Variants in MMD2 observed in about 807,000 individuals in gnomAD.
The protein encoded by MMD2 is monocyte to macrophage differentiation factor 2.
MMD2 carries 30 observed loss-of-function variants against 33.5 expected under a neutral mutation model. The ratio of observed to expected loss-of-function variants is 0.90; its 90% CI spans 0.67 to 1.22. The LOEUF (loss-of-function observed/expected upper bound fraction) is 1.22, where lower values mean the gene tolerates loss of function less well. MMD2 is among the 50% of genes most tolerant of loss of function. The probability of loss-of-function intolerance (pLI) is 0.00; values close to 1 mark genes in which losing one functional copy is unlikely to be tolerated. For missense variants in MMD2, 364 were observed against 325.4 expected (o/e 1.12, Z -0.91); for synonymous variants, 129 against 123.0 (o/e 1.05, Z -0.32).
chr7:4,928,152 G>T (rs761953946), intron 1 of MMD2, among the ~76,000 whole-genome samples: 7 of 152,146 alleles, frequency 4.6e-5, no homozygotes, highest in Non-Finnish European at 7.3e-5. Flanking sequence ...CACCCAATGG[G>T]GTTAAACTCC....
chr7:4,920,761 A>G (rs1049543429), intron 2 of MMD2, among the ~76,000 whole-genome samples: 2 of 111,844 alleles, frequency 1.8e-5, no homozygotes, highest in African/African-American at 7.0e-5. Context: ...CTTGTCCCCC[A>G]TGCTGGAGTG....
intron 1 of MMD2, among the ~76,000 whole-genome samples, chr7:4,953,421 A>G (rs1294214311): frequency 6.7e-6 from 1 of 149,140 alleles, no homozygotes. Context: ...ACTGGCAACT[A>G]GATGGATGTT....
At chr7:4,933,349 A>C (rs1318039220) in intron 1 of MMD2, among the ~76,000 whole-genome samples, 1 of 152,174 alleles carries the variant, frequency 6.6e-6, no homozygotes, top group African/African-American at 2.4e-5. Flanking sequence ...ATGGGAGAGC[A>C]TGATTGTCTC....
intron 1 of MMD2, among the ~76,000 whole-genome samples, chr7:4,953,730 CA>C (rs1786313365): frequency 1.3e-5 from 2 of 152,144 alleles, no homozygotes; most frequent in Non-Finnish European, 2.9e-5. Flanking sequence ...CTTGGCTTCC[CA>C]AAGTGCTGGA....
intron 4 of MMD2, among the ~76,000 whole-genome samples, chr7:4,913,507 C>T (rs974013402): frequency 6.6e-6 from 1 of 151,944 alleles, no homozygotes; most frequent in African/African-American, 2.4e-5. Flanking sequence ...CACCTGTGGT[C>T]AGGAGTTCAA....
chr7:4,941,196 C>G (rs1162057722), intron 1 of MMD2, among the ~76,000 whole-genome samples: 1 of 152,198 alleles, frequency 6.6e-6, no homozygotes, highest in Non-Finnish European at 1.5e-5. Context: ...CTCCTTCCAC[C>G]TGACCTAGGG....
In MMD2 at chr7:4,946,490, A is replaced by G. The variant is rs1282045663; in HGVS notation, c.47+12481T>C. 6.6e-6 allele frequency among the ~76,000 whole-genome samples: 1 copy of G among 152,174 alleles called. No homozygotes were observed. Among genetic ancestry groups the G allele is most frequent in the Non-Finnish European group, 1.5e-5 (1 of 68,038 alleles). Reference sequence around the variant, plus strand: ...AGTCTTCACTAAGGGAGGATCTTGAAAAAGCATAAAATTGCAACCGCGAGT... The same window carrying G: ...AGTCTTCACTAAGGGAGGATCTTGAGAAAGCATAAAATTGCAACCGCGAGT... On this transcript the variant is annotated intron_variant, in intron 1 of 6. Coordinates refer to ENST00000401401, the MANE Select transcript of MMD2 (RefSeq NM_198403.4). The surrounding 1 kb of genome is among the most constrained non-coding windows in gnomAD (Gnocchi z 5.0).
At chr7:4,895,811 G>A in the MMD2 span, among the ~76,000 whole-genome samples, 1 of 152,016 alleles carries the variant, frequency 6.6e-6, no homozygotes, top group East Asian at 1.9e-4. Flanking sequence ...TGGGATTACA[G>A]GCGTGAACCA....
chr7:4,909,895 C>T lies in MMD2; in HGVS notation c.523G>A (p.Val175Ile). ...GCAGCACTTACCATGGAGAGGATGA[C>T]CAGGGCGGGGAAGAAGCCCATTACG... ...YVVMGFFPAL[V>I]ILSMPNTEGI... is the part of the protein sequence containing the mutation. The change falls in exon 6 of 7, where the codon GTC becomes ATC. Residue 175 changes from valine to isoleucine, a missense_variant. By Grantham distance (29) the Val-to-Ile change is conservative. Transcript: ENST00000401401. The T allele has an allele frequency of 6.2e-7, 1 of 1,613,368 alleles. No individual in the cohort carries two copies. The highest frequency in any genetic ancestry group is 8.5e-7 in the Non-Finnish European group (1 of 1,179,596).
chr7:4,922,479 T>A (rs898978828), intron 2 of MMD2, among the ~76,000 whole-genome samples: 17 of 151,942 alleles, frequency 1.1e-4, no homozygotes, highest in African/African-American at 3.6e-4. Context: ...TAAAAAAAAA[T>A]AAATAAACAG....
At chr7:4,949,343 C>A (rs1191909216) in intron 1 of MMD2, among the ~76,000 whole-genome samples, 1 of 152,054 alleles carries the variant, frequency 6.6e-6, no homozygotes, top group Non-Finnish European at 1.5e-5. Flanking sequence ...ACTCCCCTTC[C>A]CAGCCTCTGG....
intron 1 of MMD2, among the ~76,000 whole-genome samples, chr7:4,950,336 G>T (rs1277802100): frequency 6.6e-6 from 1 of 152,114 alleles, no homozygotes; most frequent in Non-Finnish European, 1.5e-5. Context: ...TACCTCAGGT[G>T]GTCCGCCTGC....
Position 4,915,988 on chromosome 7 carries a change from G to T in MMD2, c.365+17C>A. 2 of 1,612,726 alleles carry T rather than the reference G, an allele frequency of 1.2e-6. No individual in the cohort carries two copies. The highest frequency in any genetic ancestry group is 1.7e-6 in the Non-Finnish European group (2 of 1,179,040). ...AAAGGCCGCCAAGGGTTTGCTGGGC[G>T]GCGGGACGGTACTCACCAGGGTGCG... On this transcript the variant is annotated intron_variant, in intron 4 of 6. Transcript: ENST00000401401.
chr7:4,910,313 C>A (rs1320725813), intron 5 of MMD2, among the ~76,000 whole-genome samples: 2 of 152,206 alleles, frequency 1.3e-5, no homozygotes, highest in Non-Finnish European at 2.9e-5. Context: ...AAGGCCCAAG[C>A]AGCCACTTCC....
Position 4,925,497 on chromosome 7 carries a change from T to G in MMD2, c.83A>C (p.Tyr28Ser). The G allele has an allele frequency of 6.3e-7, 1 of 1,579,988 alleles. No homozygotes were observed. The highest frequency in any genetic ancestry group is 8.6e-7 in the Non-Finnish European group (1 of 1,161,194). The change falls in exon 2 of 7, where the codon TAC becomes TCC. Residue 28 changes from tyrosine (Y) to serine (S), a missense_variant. By Grantham distance (144) the Tyr-to-Ser change is moderately radical. Coordinates refer to ENST00000401401, the MANE Select transcript of MMD2 (RefSeq NM_198403.4). ...MNHRVPAHKR[Y>S]QPTEYEHAAN... ...CGCATGTTCATACTCTGTGGGCTGG[T>G]ACCTCTTGTGGGCAGGGACTCGGTG...
chr7:4,915,335 A>G (rs907476974), intron 4 of MMD2, among the ~76,000 whole-genome samples: 1 of 151,810 alleles, frequency 6.6e-6, no homozygotes, highest in Non-Finnish European at 1.5e-5. Context: ...AAATATAAAT[A>G]TAAGTATATA....
intron 1 of MMD2, among the ~76,000 whole-genome samples, chr7:4,928,928 G>C (rs193113973): frequency 6.6e-6 from 1 of 152,042 alleles, no homozygotes; most frequent in Non-Finnish European, 1.5e-5. Context: ...CTCCACGCTA[G>C]TACAGACCTG....
chr7:4,896,166 G>A, the MMD2 span, among the ~76,000 whole-genome samples: 3 of 152,078 alleles, frequency 2.0e-5, no homozygotes, highest in African/African-American at 7.2e-5. Context: ...TTTTGAGAGA[G>A]GGCCTTGCTC....
chr7:4,924,718 G>A (rs1373502774), intron 2 of MMD2, among the ~76,000 whole-genome samples: 1 of 152,194 alleles, frequency 6.6e-6, no homozygotes, highest in Non-Finnish European at 1.5e-5. Context: ...TCATAGGCAG[G>A]GCTGGAGTGG....
Sources: allele counts gnomAD v4.1 joint callset (sites outside exome capture counted in the v4.1 genomes callset), GRCh38; gene constraint gnomAD v4.1.1; non-coding constraint Gnocchi (gnomAD v3.1); transcripts MANE v1.5; gene names NCBI Gene and HGNC (gene_info 2026-07-23, HGNC 2026-07-21).